Variants in GAK observed in about 807,000 individuals in gnomAD.
GAK encodes the protein cyclin G associated kinase, also known as cyclin-G-associated kinase.
GAK carries 79 observed loss-of-function variants against 143.9 expected under a neutral mutation model. The observed-to-expected ratio is 0.55, with a 90% confidence interval of 0.46 to 0.66. The LOEUF (loss-of-function observed/expected upper bound fraction) is 0.66. Ranked by LOEUF, GAK falls within the 30% of genes least tolerant of loss-of-function variation. GAK has a pLI of 0.00. For synonymous variants in GAK, 881 were observed against 765.5 expected, an observed-to-expected ratio of 1.15 and a Z score of -2.49; for missense variants, 1,693 against 1,779.7, an observed-to-expected ratio of 0.95 and a Z score of 0.88.
At chr4:876,060 C>T (rs1033846409) in intron 18 of GAK, among the ~76,000 whole-genome samples, 1 of 152,084 alleles carries the variant, frequency 6.6e-6, no homozygotes, top group Middle Eastern at 3.4e-3. Context: ...TGGGCACCAA[C>T]GTCAAGAGGA....
At chr4:921,233 G>A (rs1034171000) in intron 1 of GAK, among the ~76,000 whole-genome samples, 1 of 152,150 alleles carries the variant, frequency 6.6e-6, no homozygotes, top group African/African-American at 2.4e-5. Flanking sequence ...CTCCCCAGTA[G>A]CTGGGACTAC....
chr4:883,495 G>A (rs765983921), intron 12 of GAK, 32 bp from the exon 13 acceptor site: 1 of 1,610,352 alleles, frequency 6.2e-7, no homozygotes, highest in Non-Finnish European at 8.5e-7. Flanking sequence ...CAGCACCTGG[G>A]AGATGCGCAC....
intron 15 of GAK, among the ~76,000 whole-genome samples, chr4:879,613 G>A (rs1274871495): frequency 6.6e-6 from 1 of 152,136 alleles, no homozygotes; most frequent in Admixed American, 6.6e-5. Flanking sequence ...TCGGTTTGCA[G>A]GAGTTCTGAC....
At chr4:856,583 C>CAGCTGCT (rs1272608930) in intron 24 of GAK, among the ~76,000 whole-genome samples, 187 of 73,418 alleles carry the variant, frequency 2.5e-3, no homozygotes, top group African/African-American at 9.9e-3. Flanking sequence ...CAGCTGCTCA[C>CAGCTGCT]CACCACAGGT....
chr4:851,598 C>G, intron 25 of GAK, 152 bp downstream of exon 25: 1 of 734,724 alleles, frequency 1.4e-6, no homozygotes, highest in Non-Finnish European at 2.3e-6. Context: ...GACCAGTGAA[C>G]ACACATCGGA....
At chr4:881,874 G>A in intron 15 of GAK, 33 bp downstream of exon 15, 1 of 1,545,928 alleles carries the variant, frequency 6.5e-7, no homozygotes, top group Non-Finnish European at 8.8e-7. Flanking sequence ...GGCCCACAGA[G>A]CTGTCCCCTG....
intron 4 of GAK, among the ~76,000 whole-genome samples, chr4:907,956 C>G (rs562570008): frequency 6.6e-6 from 1 of 152,180 alleles, no homozygotes; most frequent in Non-Finnish European, 1.5e-5. Flanking sequence ...CCACCCCATG[C>G]AGGGTCAGCG....
At position 868,581 on chromosome 4, in the gene GAK, T is replaced by C. The variant is rs1004566935; in HGVS notation, c.2353A>G (p.Ser785Gly). The change falls in exon 20 of 28, where the codon AGC (serine) becomes GGC (glycine). Residue 785 changes from serine (S) to glycine (G), a missense_variant. By Grantham distance (56) the Ser-to-Gly change is moderately conservative. Transcript: ENST00000314167. ...PTDSDSPPSS[S>G]ADASRFLHTL... The stretch of plus-strand genomic sequence containing the variant: ...TGCAGGAAGCGACTGGCGTCCGCGC[T>C]GCTGCTTGGCGGTGAGTCAGAGTCT... The C allele has an allele frequency of 6.8e-6, 11 of 1,606,102 alleles. No individual in the cohort carries two copies. The highest frequency in any genetic ancestry group is 9.3e-6 in the Non-Finnish European group (11 of 1,176,802).
chr4:918,085 C>G (rs1353407297), intron 1 of GAK, among the ~76,000 whole-genome samples: 5 of 152,318 alleles, frequency 3.3e-5, no homozygotes, highest in African/African-American at 1.2e-4. Context: ...AAAAAATCCT[C>G]AAGAAAATAC....
At chr4:856,496 TACTCACCACCACA>T in intron 24 of GAK, among the ~76,000 whole-genome samples, 1 of 132,846 alleles carries the variant, frequency 7.5e-6, no homozygotes, top group Non-Finnish European at 1.6e-5. Context: ...TGCTCACACC[TACTCACCACCACA>T]GCTGCTCACA....
intron 7 of GAK, among the ~76,000 whole-genome samples, 183 bp downstream of exon 7, chr4:896,277 A>G (rs958182746): frequency 6.6e-6 from 1 of 152,144 alleles, no homozygotes; most frequent in East Asian, 1.9e-4. Flanking sequence ...CTCCAAAAAA[A>G]CCCAAAAAAA....
At chr4:883,148 CAG>C (rs1304271830) in intron 13 of GAK, among the ~76,000 whole-genome samples, 165 bp downstream of exon 13, 1 of 152,208 alleles carries the variant, frequency 6.6e-6, no homozygotes, top group Non-Finnish European at 1.5e-5. Context: ...CTCAGAGCAA[CAG>C]AGACCCCACC....
chr4:896,648 C>G, intron 6 of GAK, 99 bp from the exon 7 acceptor site: 1 of 913,444 alleles, frequency 1.1e-6, no homozygotes, highest in Non-Finnish European at 1.8e-6. Flanking sequence ...GCACAGCAGA[C>G]TGAGGGGCAG....
At chr4:865,380 G>A in intron 22 of GAK, 136 bp from the exon 23 acceptor site, 1 of 1,080,482 alleles carries the variant, frequency 9.3e-7, no homozygotes, top group Non-Finnish European at 1.3e-6. Context: ...TGGGCTGACG[G>A]CCTCTCTCTT....
intron 23 of GAK, among the ~76,000 whole-genome samples, chr4:864,113 C>A (rs1560297679): frequency 6.6e-6 from 1 of 152,204 alleles, no homozygotes; most frequent in African/African-American, 2.4e-5. Flanking sequence ...AATCCCAGCA[C>A]CCTGAGAGGC....
chr4:899,805 AG>A (rs1719519093), intron 5 of GAK, among the ~76,000 whole-genome samples: 1 of 152,236 alleles, frequency 6.6e-6, no homozygotes, highest in Non-Finnish European at 1.5e-5. Context: ...CAAGCTGAAC[AG>A]GCTGTCCACG....
rs188867227 is a variant in GAK, at chr4:897,506, C to T, written c.651+527G>A. Among the ~76,000 whole-genome samples, 1,470 of 152,196 alleles carry T rather than the reference C, an allele frequency of 9.7e-3. 25 individuals are homozygous for T. Among genetic ancestry groups the T allele is most frequent in the African/African-American group, 0.032 (1,335 of 41,496 alleles). ...AGAGCAGGCTACGTGTGGGCAGAGA[C>T]GGCATCTATCTGCCCATCTCTGGGA... On this transcript the variant is annotated intron_variant, in intron 6 of 27. Coordinates refer to ENST00000314167, the MANE Select transcript of GAK (RefSeq NM_005255.4).
intron 3 of GAK, 88 bp downstream of exon 3, chr4:912,647 G>T: frequency 9.8e-7 from 1 of 1,018,758 alleles, no homozygotes; most frequent in Non-Finnish European, 1.5e-6. Flanking sequence ...TCACGGAGCA[G>T]CCTCTTGGCC....
intron 19 of GAK, among the ~76,000 whole-genome samples, chr4:870,347 G>A (rs1441178212): frequency 6.6e-6 from 1 of 152,210 alleles, no homozygotes; most frequent in African/African-American, 2.4e-5. Flanking sequence ...CATGCTGCCA[G>A]CAGGCCTGAG....
Sources: allele counts gnomAD v4.1 joint callset (sites outside exome capture counted in the v4.1 genomes callset), GRCh38; gene constraint gnomAD v4.1.1; transcripts MANE v1.5; gene names NCBI Gene and HGNC (gene_info 2026-07-23, HGNC 2026-07-21).